ADAMTS12: variants seen among roughly 807,000 people sequenced by gnomAD.
The protein encoded by ADAMTS12 is A disintegrin and metalloproteinase with thrombospondin motifs 12.
Under a neutral mutation model 167.8 loss-of-function variants are expected in ADAMTS12, and 118 were observed. The ratio of observed to expected loss-of-function variants is 0.70; its 90% CI spans 0.61 to 0.82. The LOEUF is 0.82. ADAMTS12 is among the 40% of genes least tolerant of loss of function. The probability of loss-of-function intolerance (pLI) is 0.00; values close to 1 mark genes in which losing one functional copy is unlikely to be tolerated. For missense variants in ADAMTS12, 1,916 were observed against 1,998.8 expected (o/e 0.96, Z 0.79); for synonymous variants, 704 against 716.9 (o/e 0.98, Z 0.29).
chr5:33,762,273 C>A (rs1164122303), intron 2 of ADAMTS12, among the ~76,000 whole-genome samples: 2 of 152,022 alleles, frequency 1.3e-5, no homozygotes, highest in Admixed American at 1.3e-4. Flanking sequence ...CTTTGGGAGG[C>A]CGAGGCGGGT....
intron 11 of ADAMTS12, among the ~76,000 whole-genome samples, chr5:33,640,599 A>G (rs1740401497): frequency 6.6e-6 from 1 of 152,214 alleles, no homozygotes; most frequent in Non-Finnish European, 1.5e-5. Context: ...TGAATTTTGA[A>G]AGTCACAGAA....
chr5:33,529,914 G>A (rs1744012467), intron 23 of ADAMTS12, among the ~76,000 whole-genome samples: 1 of 152,086 alleles, frequency 6.6e-6, no homozygotes, highest in South Asian at 2.1e-4. Flanking sequence ...GGGAGTTTCA[G>A]AGAGAGAGTA....
chr5:33,843,786 C>A (rs1049036615), intron 2 of ADAMTS12, among the ~76,000 whole-genome samples: 3 of 152,134 alleles, frequency 2.0e-5, no homozygotes. Flanking sequence ...GACTAACAGG[C>A]AAATGGCCTA....
At chr5:33,573,042 G>A (rs1746474322) in intron 19 of ADAMTS12, among the ~76,000 whole-genome samples, 2 of 151,992 alleles carry the variant, frequency 1.3e-5, no homozygotes, top group African/African-American at 4.8e-5. Flanking sequence ...CAACTTACAA[G>A]GGACCTGAAG....
intron 3 of ADAMTS12, among the ~76,000 whole-genome samples, chr5:33,730,083 C>T (rs1248856074): frequency 2.0e-5 from 3 of 152,160 alleles, no homozygotes; most frequent in Non-Finnish European, 4.4e-5. Context: ...AGGCTCTTGA[C>T]GAAGTCCTTC....
At chr5:33,784,687 C>T (rs1746267146) in intron 2 of ADAMTS12, among the ~76,000 whole-genome samples, 1 of 151,818 alleles carries the variant, frequency 6.6e-6, no homozygotes, top group Admixed American at 6.6e-5. Context: ...CCGAGATCAA[C>T]TAAAGAATTT....
At chr5:33,729,556 C>A (rs1310341727) in intron 3 of ADAMTS12, among the ~76,000 whole-genome samples, 3 of 152,148 alleles carry the variant, frequency 2.0e-5, no homozygotes, top group Non-Finnish European at 2.9e-5. Context: ...GTTTTTGTGG[C>A]CTCCATTTTA....
chr5:33,676,281 G>A (rs1454519759), intron 5 of ADAMTS12, among the ~76,000 whole-genome samples: 1 of 152,098 alleles, frequency 6.6e-6, no homozygotes, highest in Non-Finnish European at 1.5e-5. Flanking sequence ...AGAAAATCTT[G>A]TATTGATTTC....
intron 14 of ADAMTS12, among the ~76,000 whole-genome samples, chr5:33,622,386 T>A (rs558548994): frequency 2.0e-5 from 3 of 152,336 alleles, no homozygotes; most frequent in Admixed American, 1.3e-4. Context: ...CTGGTCCCAG[T>A]GGCTCATGCC....
chr5:33,719,333 G>C (rs749903568), intron 3 of ADAMTS12, among the ~76,000 whole-genome samples: 5 of 152,160 alleles, frequency 3.3e-5, no homozygotes, highest in African/African-American at 4.8e-5. Context: ...TTTCTCCCAA[G>C]AGGTTTTAGA....
intron 18 of ADAMTS12, among the ~76,000 whole-genome samples, chr5:33,588,036 A>T (rs550593259): frequency 5.9e-5 from 9 of 152,194 alleles, no homozygotes; most frequent in Non-Finnish European, 1.2e-4. Context: ...CTGATTTCCA[A>T]TTATAGTCAG....
intron 9 of ADAMTS12, among the ~76,000 whole-genome samples, chr5:33,647,742 C>G (rs200455905): frequency 0.03 from 916 of 30,994 alleles, 7 homozygotes; most frequent in African/African-American, 0.06. Flanking sequence ...AACAAACAAA[C>G]AAAAACAAAC....
rs866603441 is a variant in ADAMTS12 at position 33,576,646 on chromosome 5, G to C, written c.3380C>G (p.Ser1127Cys). 2.5e-6 allele frequency: 4 copies of C among 1,614,114 alleles called. No individual in the cohort carries two copies. Among genetic ancestry groups the C allele is most frequent in the Middle Eastern group, 1.6e-4 (1 of 6,084 alleles). The part of the protein sequence containing the change: ...GGLVATTTSG[S>C]GLSSSRNPIT... ...AGGGTTGCGGGAAGATGACAAGCCA[G>C]AACCACTTGTTGTTGTAGCTACAAG... The change falls in exon 19 of 24, where the codon TCT becomes TGT. Residue 1127 changes from serine (S) to cysteine (C), a missense_variant. Coordinates refer to ENST00000504830, the MANE Select transcript of ADAMTS12 (RefSeq NM_030955.4).
chr5:33,725,591 G>A (rs968360510), intron 3 of ADAMTS12, among the ~76,000 whole-genome samples: 5 of 152,192 alleles, frequency 3.3e-5, no homozygotes, highest in African/African-American at 1.2e-4. Flanking sequence ...ACCCAAAGTA[G>A]ATCACAATGG....
intron 1 of ADAMTS12, 64 bp from the exon 2 acceptor site, chr5:33,881,544 GTTTGGAA>G: frequency 6.5e-7 from 1 of 1,530,026 alleles, no homozygotes; most frequent in Non-Finnish European, 8.7e-7. Context: ...AGCCACTTTC[GTTTGGAA>G]CTTGAATGCT....
intron 17 of ADAMTS12, among the ~76,000 whole-genome samples, chr5:33,592,245 AAAAAAC>A (rs1472736808): frequency 6.7e-6 from 1 of 149,294 alleles, no homozygotes; most frequent in Non-Finnish European, 1.5e-5. Flanking sequence ...AAACAAACAA[AAAAAAC>A]AAAAAACAAA....
At chr5:33,621,399 C>CAAAAA (rs202182365) in intron 14 of ADAMTS12, among the ~76,000 whole-genome samples, 2 of 82,112 alleles carry the variant, frequency 2.4e-5, no homozygotes, top group African/African-American at 4.7e-5. Context: ...GACTCCATCT[C>CAAAAA]AAAAAAAAAA....
chr5:33,710,833 T>C (rs956613509), intron 3 of ADAMTS12, among the ~76,000 whole-genome samples: 1 of 152,000 alleles, frequency 6.6e-6, no homozygotes, highest in Non-Finnish European at 1.5e-5. Flanking sequence ...ATTTCAAACA[T>C]AGAAAAGAGC....
chr5:33,771,890 A>G (rs1281050332), intron 2 of ADAMTS12, among the ~76,000 whole-genome samples: 1 of 151,136 alleles, frequency 6.6e-6, no homozygotes, highest in East Asian at 1.9e-4. Flanking sequence ...GAGTGGCACA[A>G]TCTCAGCTCA....
Sources: gnomAD v4.1 joint callset for allele counts (sites outside exome capture counted in the v4.1 genomes callset) on GRCh38, gnomAD v4.1.1 for gene constraint, MANE v1.5 for transcripts, NCBI Gene and HGNC (gene_info 2026-07-23, HGNC 2026-07-21) for gene names.